Variants in DEPDC5 observed in about 807,000 individuals in gnomAD.
DEPDC5 encodes the protein GATOR1 complex protein DEPDC5.
In DEPDC5, 73 loss-of-function variants were observed where a neutral mutation model predicts 217.3. The observed-to-expected ratio is 0.34, with a 90% CI of 0.28 to 0.41. The LOEUF (loss-of-function observed/expected upper bound fraction) is 0.41. DEPDC5 is among the 10% of genes least tolerant of loss of function. DEPDC5 has a pLI of 1.00. For synonymous variants in DEPDC5, 733 were observed against 756.7 expected (o/e 0.97, Z 0.51); for missense variants, 1,675 against 2,070.1 (o/e 0.81, Z 3.70).
intron 14 of DEPDC5, among the ~76,000 whole-genome samples, chr22:31,799,798 C>CTTT (rs1237771354): frequency 8.4e-6 from 1 of 119,226 alleles, no homozygotes. Context: ...CCATGCCCGG[C>CTTT]CTTTTTTTTT....
chr22:31,873,289 T>C lies in DEPDC5; in HGVS notation c.3520T>C (p.Ser1174Pro), dbSNP rs2092900972. ...QQLVASSLTS[S>P]STLTEILEAM... ...GCTGGTGGCAAGCTCCTTGACCTCA[T>C]CCTCTACCCTGACAGAGATCCTGGA... The change falls in exon 35 of 43, where the codon TCC becomes CCC. Residue 1174 changes from serine (S) to proline (P), a missense_variant. By Grantham distance (74) the Ser-to-Pro change is moderately conservative (BLOSUM62 -1). Transcript: ENST00000651528. The C allele has an allele frequency of 6.2e-7, 1 of 1,614,036 alleles. No individual in the cohort carries two copies.
Position 31,879,667 on chromosome 22 carries a change from G to C in DEPDC5, c.3948G>C (p.Leu1316=), listed in dbSNP as rs371864100. The stretch of plus-strand genomic sequence containing the variant: ...TTCCTGCCTTTCTCCTGCCCTGGCT[G>C]CCTAGCCGGCCAGCCTCCTATGCAA... ...SEIPAFLLPW[L]PSRPASYASR... The change falls in exon 38 of 43, where the codon CTG becomes CTC. Residue 1316 remains leucine, a synonymous_variant. Coordinates refer to ENST00000651528, the MANE Select transcript of DEPDC5 (RefSeq NM_001242896.3). The C allele has an allele frequency of 1.2e-5, 19 of 1,614,022 alleles. No individual in the cohort carries two copies. The African/African-American group carries it at 2.3e-4, about 19-fold the overall frequency.
intron 23 of DEPDC5, among the ~76,000 whole-genome samples, chr22:31,822,033 GAAAT>G (rs2089741808): frequency 6.6e-6 from 1 of 152,210 alleles, no homozygotes; most frequent in Non-Finnish European, 1.5e-5. Context: ...TGGTCATTCA[GAAAT>G]AAATCCCACT....
intron 14 of DEPDC5, among the ~76,000 whole-genome samples, chr22:31,802,136 T>A (rs1399882234): frequency 6.8e-6 from 1 of 146,388 alleles, no homozygotes; most frequent in Non-Finnish European, 1.5e-5. Context: ...TTTTTTTTTT[T>A]TTTTTTTTTT....
At chr22:31,820,581 C>A (rs1246533300) in intron 22 of DEPDC5, among the ~76,000 whole-genome samples, 2 of 152,148 alleles carry the variant, frequency 1.3e-5, no homozygotes, top group African/African-American at 4.8e-5. Context: ...GCCCCCTTAT[C>A]TCTGCTATAA....
chr22:31,817,458 T>A, intron 21 of DEPDC5: 1 of 483,234 alleles, frequency 2.1e-6, no homozygotes, highest in Non-Finnish European at 4.1e-6. Flanking sequence ...ATGCATACCC[T>A]TGATGGCCTG....
At chr22:31,901,607 G>T in intron 40 of DEPDC5, 135 bp from the exon 41 acceptor site, 2 of 699,588 alleles carry the variant, frequency 2.9e-6, no homozygotes, top group South Asian at 1.7e-5. Context: ...TTCTCAAAGG[G>T]CGTAGTATGG....
In DEPDC5 at chr22:31,797,533, G is replaced by A. The variant is rs1051557589; in HGVS notation, c.768-67G>A. 4 of 1,273,014 alleles carry A rather than the reference G, an allele frequency of 3.1e-6. No homozygotes were observed. The Admixed American group carries it at 5.1e-5, about 16-fold the overall frequency. The allele number at this position is 1,273,014 out of a possible 1,614,324, so 78.9% of individuals were successfully genotyped here. ...GGTATTACAATTTGAGATGAAATTT[G>A]GGAGGGGACACAGAGCCAAACCATA... is the stretch of plus-strand genomic sequence containing the variant. On this transcript the variant is annotated intron_variant, in intron 12 of 42. Coordinates refer to ENST00000651528, the MANE Select transcript of DEPDC5 (RefSeq NM_001242896.3).
chr22:31,852,210 A>G (rs902437170), intron 31 of DEPDC5, among the ~76,000 whole-genome samples: 5 of 152,198 alleles, frequency 3.3e-5, no homozygotes, highest in Admixed American at 1.3e-4. Flanking sequence ...AAGGGATACG[A>G]ATAATAGACT....
intron 38 of DEPDC5, among the ~76,000 whole-genome samples, chr22:31,886,372 G>T (rs1474371380): frequency 6.6e-6 from 1 of 152,130 alleles, no homozygotes; most frequent in African/African-American, 2.4e-5. Flanking sequence ...TCTAATGCAG[G>T]CTGGTAAAAC....
At chr22:31,786,072 C>A (rs118013434) in intron 10 of DEPDC5, among the ~76,000 whole-genome samples, 4,398 of 151,980 alleles carry the variant, frequency 0.029, 135 homozygotes, top group Admixed American at 0.08. Context: ...GTCTGGCCAA[C>A]GTCATGAAAC....
chr22:31,782,949 C>T (rs73162145), intron 8 of DEPDC5, among the ~76,000 whole-genome samples: 378 of 152,268 alleles, frequency 2.5e-3, no homozygotes, highest in Non-Finnish European at 4.0e-3. Flanking sequence ...GTCATGGCCC[C>T]GAGCTGTGGC....
chr22:31,876,324 C>G, intron 37 of DEPDC5, 59 bp downstream of exon 37: 1 of 1,335,622 alleles, frequency 7.5e-7, no homozygotes, highest in East Asian at 2.3e-5. Context: ...TGGTGACTTG[C>G]TCTTTCACAT....
intron 37 of DEPDC5, among the ~76,000 whole-genome samples, chr22:31,877,436 C>CA (rs71184527): frequency 0.36 from 7,481 of 21,012 alleles, 3,162 homozygotes; most frequent in East Asian, 0.49. Context: ...GACTCCATCT[C>CA]AAAAAAAAAA....
chr22:31,776,141 T>G (rs1163470065), intron 7 of DEPDC5, among the ~76,000 whole-genome samples: 2 of 147,246 alleles, frequency 1.4e-5, no homozygotes, highest in Non-Finnish European at 3.0e-5. Context: ...TGCAATAGTC[T>G]CACTCTGTTG....
chr22:31,859,334 G>A (rs1365911871), intron 32 of DEPDC5, among the ~76,000 whole-genome samples: 9 of 149,984 alleles, frequency 6.0e-5, no homozygotes, highest in African/African-American at 1.7e-4. Flanking sequence ...CTCGTGATCC[G>A]CCTGCCTCTG....
chr22:31,899,329 A>C (rs1249634269), intron 40 of DEPDC5, among the ~76,000 whole-genome samples: 2 of 152,070 alleles, frequency 1.3e-5, no homozygotes, highest in African/African-American at 4.8e-5. Context: ...AAATCTGACA[A>C]GAGTGTGCTG....
chr22:31,797,679 G>T lies in DEPDC5; in HGVS notation c.847G>T (p.Val283Leu). Reference protein sequence around the residue: ...TIKKLFIQYPVLVRLEQAEGF... With the variant: ...TIKKLFIQYPLLVRLEQAEGF... ...TAAAAAACTCTTCATCCAGTATCCAGTGTTGGTGCGACTGGAACAGGCAGG... is the reference window on the plus strand; with the variant it reads ...TAAAAAACTCTTCATCCAGTATCCATTGTTGGTGCGACTGGAACAGGCAGG... The change falls in exon 13 of 43, where the codon GTG becomes TTG. Residue 283 changes from valine (V) to leucine (L), a missense_variant. Physicochemically the swap from Val to Leu is conservative, Grantham distance 32. Around this residue, in one of 11 missense-constraint regions of DEPDC5, gnomAD observed 628 missense variants for 762.1 expected, o/e 0.82. Coordinates refer to ENST00000651528, the MANE Select transcript of DEPDC5 (RefSeq NM_001242896.3). 1 of 1,614,040 alleles carries T rather than the reference G, an allele frequency of 6.2e-7. No individual in the cohort carries two copies. Among genetic ancestry groups the T allele is most frequent in the African/African-American group, 1.3e-5 (1 of 75,046 alleles).
intron 31 of DEPDC5, among the ~76,000 whole-genome samples, chr22:31,848,022 A>C (rs1602391595): frequency 6.6e-6 from 1 of 152,354 alleles, no homozygotes; most frequent in East Asian, 1.9e-4. Context: ...GGCCCCATGC[A>C]AGTCTGAAAT....
Sources: allele counts gnomAD v4.1 joint callset (sites outside exome capture counted in the v4.1 genomes callset), GRCh38; gene constraint gnomAD v4.1.1; regional missense constraint gnomAD v4.1.1; transcripts MANE v1.5; gene names NCBI Gene and HGNC (gene_info 2026-07-23, HGNC 2026-07-21).